PIK3CB: variants seen among roughly 807,000 people sequenced by gnomAD.
The protein encoded by PIK3CB is phosphatidylinositol 4,5-bisphosphate 3-kinase catalytic subunit beta isoform.
A neutral mutation model predicts 136.8 loss-of-function variants in PIK3CB; 39 were observed. The observed-to-expected ratio is 0.29, with a 90% CI of 0.22 to 0.37. The LOEUF (loss-of-function observed/expected upper bound fraction) is 0.37. PIK3CB is among the 10% of genes least tolerant of loss of function. The probability of loss-of-function intolerance (pLI) is 1.00; values close to 1 mark genes in which losing one functional copy is unlikely to be tolerated. For synonymous variants in PIK3CB, 428 were observed against 436.6 expected, an observed-to-expected ratio of 0.98 and a Z score of 0.25; for missense variants, 868 against 1,275.4, an observed-to-expected ratio of 0.68 and a Z score of 4.87.
At position 138,814,736 on chromosome 3, in the gene PIK3CB, T is replaced by G. The variant is rs529819718; in HGVS notation, c.-121-18169A>C. 6.6e-5 allele frequency among the ~76,000 whole-genome samples: 10 copies of G among 152,260 alleles called. No homozygotes were observed. In the South Asian group the frequency reaches 2.1e-3, roughly 32 times the overall value. On this transcript the variant is annotated intron_variant, in intron 1 of 23. Coordinates refer to ENST00000674063, the MANE Select transcript of PIK3CB (RefSeq NM_006219.3). ...CTAGTCAAAACCGCCTAGGCATGGC[T>G]CACACCTGTAATCCCAGCATTTTGG... is the stretch of plus-strand genomic sequence containing the variant.
chr3:138,691,741 G>A (rs558959125), intron 14 of PIK3CB, among the ~76,000 whole-genome samples: 1 of 152,028 alleles, frequency 6.6e-6, no homozygotes, highest in Admixed American at 6.6e-5. Context: ...TCTTTATAAT[G>A]GTGTGAAAAT....
intron 19 of PIK3CB, among the ~76,000 whole-genome samples, chr3:138,673,570 CT>C (rs2043582728): frequency 6.6e-6 from 1 of 152,116 alleles, no homozygotes; most frequent in African/African-American, 2.4e-5. Flanking sequence ...CTCTGAATAT[CT>C]ACTTCTCCAT....
chr3:138,725,359 T>C (rs898792149), intron 8 of PIK3CB, among the ~76,000 whole-genome samples: 2 of 152,174 alleles, frequency 1.3e-5, no homozygotes, highest in Admixed American at 6.5e-5. Flanking sequence ...CTTGAATTTG[T>C]GTTTCTGTCT....
intron 1 of PIK3CB, among the ~76,000 whole-genome samples, chr3:138,813,464 C>T (rs1263061978): frequency 1.4e-5 from 2 of 139,720 alleles, no homozygotes; most frequent in African/African-American, 5.4e-5. Context: ...CAGAGTCTTG[C>T]TCTGTCGCCC....
In PIK3CB at chr3:138,656,199, C is replaced by T; in HGVS notation, c.3018G>A (p.Leu1006=). 1 of 1,614,112 alleles carries T rather than the reference C, an allele frequency of 6.2e-7. No individual in the cohort carries two copies. The highest frequency in any genetic ancestry group is 1.1e-5 in the South Asian group (1 of 91,080). The change falls in exon 23 of 24, where the codon CTG becomes CTA. Residue 1006 remains leucine, a synonymous_variant. Transcript: ENST00000674063. Reference sequence around the variant, plus strand: ...GTTCAGGAAGCCCTGCAGTCAACATCAGCGCAAAGAGAGTGATGAAGAGAT... The same window carrying T: ...GTTCAGGAAGCCCTGCAGTCAACATTAGCGCAAAGAGAGTGATGAAGAGAT... ...HGNLFITLFA[L]MLTAGLPELT...
At chr3:138,813,495 G>T (rs1933169145) in intron 1 of PIK3CB, among the ~76,000 whole-genome samples, 1 of 145,490 alleles carries the variant, frequency 6.9e-6, no homozygotes, top group Admixed American at 7.1e-5. Flanking sequence ...GCAGTGGCAC[G>T]ATCTCTCCGC....
At chr3:138,762,775 T>C (rs2045679647) in intron 2 of PIK3CB, among the ~76,000 whole-genome samples, 1 of 151,704 alleles carries the variant, frequency 6.6e-6, no homozygotes, top group South Asian at 2.1e-4. Flanking sequence ...CTGGGCAACA[T>C]GGTGAAACCT....
chr3:138,823,422 C>G (rs1261672029), intron 1 of PIK3CB, among the ~76,000 whole-genome samples: 1 of 148,822 alleles, frequency 6.7e-6, no homozygotes, highest in African/African-American at 2.5e-5. Context: ...AAAAAAGCAA[C>G]GGTCGGGCAA....
rs1933168774 is a variant in PIK3CB at position 138,813,485 on chromosome 3, G to A, written c.-121-16918C>T. ...CTTGCTCTGTCGCCCAGGCTGAAGT[G>A]CAGTGGCACGATCTCTCCGCCTCCT... On this transcript the variant is annotated intron_variant, in intron 1 of 23. Coordinates refer to ENST00000674063, the MANE Select transcript of PIK3CB (RefSeq NM_006219.3). 3.5e-5 allele frequency among the ~76,000 whole-genome samples: 5 copies of A among 143,186 alleles called. No individual in the cohort carries two copies. The South Asian group carries it at 6.6e-4, about 19-fold the overall frequency. The allele number at this position is 143,186 out of a possible 152,430, so 93.9% of individuals were successfully genotyped here. A position where few individuals can be genotyped will look rare whatever the true frequency, so the allele number is the denominator to read the frequency against.
intron 1 of PIK3CB, among the ~76,000 whole-genome samples, chr3:138,828,318 T>TGGG (rs919529258): frequency 6.6e-6 from 1 of 151,324 alleles, no homozygotes; most frequent in Non-Finnish European, 1.5e-5. Context: ...CCCGAGTAGC[T>TGGG]GGGATTACAG....
At chr3:138,827,992 A>G (rs1441224551) in intron 1 of PIK3CB, among the ~76,000 whole-genome samples, 1 of 151,664 alleles carries the variant, frequency 6.6e-6, no homozygotes, top group East Asian at 2.0e-4. Flanking sequence ...CGTCTCAAAA[A>G]AAACAAAACA....
intron 19 of PIK3CB, among the ~76,000 whole-genome samples, chr3:138,674,225 A>T (rs1017990009): frequency 6.6e-6 from 1 of 152,024 alleles, no homozygotes; most frequent in Non-Finnish European, 1.5e-5. Flanking sequence ...CATGCAAAGG[A>T]AAGAGCTTAC....
At chr3:138,806,446 C>G (rs1032048734) in intron 1 of PIK3CB, among the ~76,000 whole-genome samples, 6 of 152,062 alleles carry the variant, frequency 3.9e-5, no homozygotes, top group African/African-American at 1.4e-4. Flanking sequence ...GATCCCACCA[C>G]CGCATTCCAG....
intron 11 of PIK3CB, among the ~76,000 whole-genome samples, chr3:138,706,867 G>C (rs2044388527): frequency 1.3e-5 from 2 of 152,170 alleles, no homozygotes; most frequent in African/African-American, 4.8e-5. Context: ...TGTTTGTCAG[G>C]CTGGTCTCGA....
chr3:138,763,857 A>C (rs2045694209), intron 2 of PIK3CB, among the ~76,000 whole-genome samples: 1 of 152,210 alleles, frequency 6.6e-6, no homozygotes, highest in African/African-American at 2.4e-5. Context: ...TCATGCCTGC[A>C]ATCCCAGCAC....
intron 19 of PIK3CB, among the ~76,000 whole-genome samples, chr3:138,675,166 G>C (rs982199398): frequency 6.6e-6 from 1 of 152,014 alleles, no homozygotes; most frequent in Non-Finnish European, 1.5e-5. Flanking sequence ...GAGTTGAAAA[G>C]GGCAATAACT....
At chr3:138,818,983 C>T (rs1239591929) in intron 1 of PIK3CB, among the ~76,000 whole-genome samples, 4 of 152,184 alleles carry the variant, frequency 2.6e-5, no homozygotes, top group Admixed American at 6.5e-5. Flanking sequence ...GAAGCTTAAA[C>T]CTAAACTTAA....
At chr3:138,786,636 G>A (rs1287558028) in intron 2 of PIK3CB, among the ~76,000 whole-genome samples, 3 of 151,982 alleles carry the variant, frequency 2.0e-5, no homozygotes, top group Non-Finnish European at 4.4e-5. Flanking sequence ...ATGAGCCACC[G>A]TGCCCAGCCT....
At chr3:138,799,094 T>C (rs755655524) in intron 1 of PIK3CB, among the ~76,000 whole-genome samples, 8 of 151,734 alleles carry the variant, frequency 5.3e-5, no homozygotes, top group Non-Finnish European at 8.8e-5. Context: ...TGGTGGTGTA[T>C]GCCTATAATC....
Sources: allele counts gnomAD v4.1 joint callset (sites outside exome capture counted in the v4.1 genomes callset), GRCh38; gene constraint gnomAD v4.1.1; transcripts MANE v1.5; gene names NCBI Gene and HGNC (gene_info 2026-07-23, HGNC 2026-07-21).